Variants in KIF13B observed in about 807,000 individuals in gnomAD.
The protein encoded by KIF13B is kinesin family member 13B, also known as kinesin-like protein KIF13B.
In KIF13B, 127 loss-of-function variants were observed where a neutral mutation model predicts 222.0. The ratio of observed to expected loss-of-function variants is 0.57; its 90% CI spans 0.50 to 0.66. The LOEUF (loss-of-function observed/expected upper bound fraction) is 0.66. Among genes scored for constraint, KIF13B ranks in the 30% least tolerant of loss-of-function variants. The pLI is 0.00. For synonymous variants in KIF13B, 976 were observed against 919.0 expected, an observed-to-expected ratio of 1.06 and a Z score of -1.12; for missense variants, 2,173 against 2,379.0, an observed-to-expected ratio of 0.91 and a Z score of 1.80.
chr8:29,189,441 A>C (rs1396546955), intron 4 of KIF13B: 1 of 152,212 alleles, frequency 6.6e-6, no homozygotes, highest in Non-Finnish European at 1.5e-5. Context: ...ATTGTTTAAA[A>C]ACAGGCGACA....
At chr8:29,260,549 A>C (rs1424421561) in intron 1 of KIF13B, among the ~76,000 whole-genome samples, 2 of 152,192 alleles carry the variant, frequency 1.3e-5, no homozygotes, top group South Asian at 2.1e-4. Context: ...AAATTACTGG[A>C]AAGGTTCCTA....
At chr8:29,182,546 G>A (rs918759334) in intron 6 of KIF13B, among the ~76,000 whole-genome samples, 6 of 150,442 alleles carry the variant, frequency 4.0e-5, no homozygotes, top group African/African-American at 1.5e-4. Context: ...TTCAATAAAC[G>A]CATGAAAAAA....
At chr8:29,105,190 C>T (rs1808996166) in intron 35 of KIF13B, among the ~76,000 whole-genome samples, 3 of 151,818 alleles carry the variant, frequency 2.0e-5, no homozygotes, top group Non-Finnish European at 4.4e-5. Flanking sequence ...AGGCTGGTCT[C>T]AAACTGCTGG....
At chr8:29,235,644 A>C (rs969497278) in intron 2 of KIF13B, among the ~76,000 whole-genome samples, 1 of 152,192 alleles carries the variant, frequency 6.6e-6, no homozygotes, top group Non-Finnish European at 1.5e-5. Flanking sequence ...CAAAATACAT[A>C]GATAAAAGCA....
intron 16 of KIF13B, 49 bp downstream of exon 16, chr8:29,148,522 ACCTCAG>A: frequency 7.4e-7 from 1 of 1,354,138 alleles, no homozygotes; most frequent in African/African-American, 1.5e-5. Context: ...CGATCTCCCC[ACCTCAG>A]CCTCTACCAA....
chr8:29,117,080 C>T (rs1809639743), intron 30 of KIF13B, 73 bp from the exon 31 acceptor site: 4 of 1,404,088 alleles, frequency 2.8e-6, no homozygotes, highest in African/African-American at 2.9e-5. Flanking sequence ...AGGAAACCAC[C>T]TTGGCTCAGG....
At chr8:29,237,897 G>A (rs1365330973) in intron 2 of KIF13B, among the ~76,000 whole-genome samples, 1 of 152,172 alleles carries the variant, frequency 6.6e-6, no homozygotes, top group African/African-American at 2.4e-5. Flanking sequence ...GAGAGGCTGA[G>A]GAATCATATA....
chr8:29,173,438 T>C (rs1296548335), intron 10 of KIF13B, among the ~76,000 whole-genome samples: 2 of 142,832 alleles, frequency 1.4e-5, no homozygotes, highest in African/African-American at 5.2e-5. Context: ...CTGGGCAACA[T>C]AGCAAGACCT....
chr8:29,177,617 C>T (rs1374833261), intron 8 of KIF13B, 39 bp from the exon 9 acceptor site: 2 of 1,360,112 alleles, frequency 1.5e-6, no homozygotes, highest in South Asian at 1.2e-5. Flanking sequence ...AACAGGAACA[C>T]AGGGCCAGGT....
At chr8:29,158,377 T>C (rs1050501369) in intron 13 of KIF13B, among the ~76,000 whole-genome samples, 2 of 152,240 alleles carry the variant, frequency 1.3e-5, no homozygotes, top group Non-Finnish European at 2.9e-5. Flanking sequence ...TAAGCAGGGA[T>C]AGCATCTCAG....
chr8:29,174,994 T>G (rs942653664), intron 10 of KIF13B, among the ~76,000 whole-genome samples: 2 of 152,196 alleles, frequency 1.3e-5, no homozygotes, highest in Non-Finnish European at 2.9e-5. Context: ...GGGCGGCCCG[T>G]GTTGAACTCA....
chr8:29,182,484 C>T lies in KIF13B; in HGVS notation c.498-478G>A, dbSNP rs546088042. 1.3e-4 allele frequency among the ~76,000 whole-genome samples: 20 copies of T among 152,180 alleles called. 1 individual carries two copies. The highest frequency in any genetic ancestry group is 4.1e-4 in the South Asian group (2 of 4,820). On this transcript the variant is annotated intron_variant, in intron 6 of 39. Transcript: ENST00000524189. ...TCCACCATTGGAAAAAAGAGCCATGCGCTTTAATCACATTGACAGCCTAAG... is the reference window on the plus strand; with the variant it reads ...TCCACCATTGGAAAAAAGAGCCATGTGCTTTAATCACATTGACAGCCTAAG...
intron 2 of KIF13B, among the ~76,000 whole-genome samples, chr8:29,199,545 C>CATTG (rs1309838389): frequency 1.4e-5 from 2 of 139,906 alleles, no homozygotes; most frequent in Non-Finnish European, 3.1e-5. Context: ...AGGAAATGCT[C>CATTG]ATTGCCCTTA....
chr8:29,163,818 G>T (rs1463501725), intron 12 of KIF13B, among the ~76,000 whole-genome samples: 2 of 152,196 alleles, frequency 1.3e-5, no homozygotes, highest in African/African-American at 4.8e-5. Flanking sequence ...GGCTCACTTA[G>T]ACTTGCCCTG....
chr8:29,234,504 G>C (rs1322477063), intron 2 of KIF13B, among the ~76,000 whole-genome samples: 1 of 148,782 alleles, frequency 6.7e-6, no homozygotes, highest in Non-Finnish European at 1.5e-5. Flanking sequence ...CCCAGGCCTA[G>C]GGGTGGGAGG....
At chr8:29,082,015 T>G (rs1185261603) in intron 37 of KIF13B, among the ~76,000 whole-genome samples, 4 of 152,206 alleles carry the variant, frequency 2.6e-5, no homozygotes, top group Non-Finnish European at 5.9e-5. Flanking sequence ...CAAGATGAAT[T>G]CCACTTTCTT....
chr8:29,094,631 T>C (rs1253704866), intron 36 of KIF13B, among the ~76,000 whole-genome samples: 1 of 152,166 alleles, frequency 6.6e-6, no homozygotes, highest in African/African-American at 2.4e-5. Context: ...ATCACATGGA[T>C]ATATACAAAT....
intron 10 of KIF13B, among the ~76,000 whole-genome samples, chr8:29,173,062 G>A (rs1204651568): frequency 6.6e-6 from 1 of 151,814 alleles, no homozygotes; most frequent in African/African-American, 2.4e-5. Context: ...TTACAGGCAT[G>A]CACCACCACA....
At chr8:29,237,973 C>A (rs1028814883) in intron 2 of KIF13B, among the ~76,000 whole-genome samples, 2 of 152,194 alleles carry the variant, frequency 1.3e-5, no homozygotes, top group Non-Finnish European at 2.9e-5. Context: ...AGGACGGGCT[C>A]CCTGAGGAAG....
Sources: gnomAD v4.1 joint callset for allele counts (sites outside exome capture counted in the v4.1 genomes callset) on GRCh38, gnomAD v4.1.1 for gene constraint, MANE v1.5 for transcripts, NCBI Gene and HGNC (gene_info 2026-07-23, HGNC 2026-07-21) for gene names.